Variants in SLC29A3 observed in about 807,000 individuals in gnomAD.
SLC29A3 encodes the protein equilibrative nucleoside transporter 3.
In SLC29A3, 18 loss-of-function variants were observed where a neutral mutation model predicts 25.4. The ratio of observed to expected loss-of-function variants is 0.71; its 90% CI spans 0.49 to 1.05. The LOEUF is 1.05. SLC29A3 is among the 50% of genes least tolerant of loss of function. The pLI is 0.00. For missense variants in SLC29A3, 586 were observed against 609.0 expected, an observed-to-expected ratio of 0.96 and a Z score of 0.40; for synonymous variants, 258 against 267.1, an observed-to-expected ratio of 0.97 and a Z score of 0.33.
chr10:71,362,355 T>A lies in SLC29A3; in HGVS notation c.1175T>A (p.Leu392His). ...FVLLRTCLIP[L>H]FVLCNYQPRV... is the part of the protein sequence containing the mutation. The stretch of plus-strand genomic sequence containing the variant: ...CTCCTCCGGACCTGCCTCATCCCCC[T>A]CTTCGTGCTCTGTAACTACCAGCCC... Residue 392 changes from leucine (L) to histidine (H), a missense_variant, in exon 6 of 6, where the codon CTC (leucine) becomes CAC (histidine). Leu to His is a moderately conservative substitution (Grantham distance 99). Coordinates refer to ENST00000373189, the MANE Select transcript of SLC29A3 (RefSeq NM_018344.6). 1 of 1,614,086 alleles carries A rather than the reference T, an allele frequency of 6.2e-7. No individual in the cohort carries two copies.
chr10:71,348,189 C>T (rs1846646485), intron 3 of SLC29A3, among the ~76,000 whole-genome samples: 1 of 152,258 alleles, frequency 6.6e-6, no homozygotes, highest in Non-Finnish European at 1.5e-5. Context: ...CTGCCAGGCC[C>T]TGTGCCTGTG....
chr10:71,328,540 C>T (rs1393150837), intron 2 of SLC29A3, among the ~76,000 whole-genome samples: 1 of 152,216 alleles, frequency 6.6e-6, no homozygotes, highest in African/African-American at 2.4e-5. Context: ...AGGAGGCCTC[C>T]CCCGCTGGTG....
intron 2 of SLC29A3, among the ~76,000 whole-genome samples, chr10:71,325,143 C>CAT (rs1397413387): frequency 6.6e-6 from 1 of 152,154 alleles, no homozygotes. Flanking sequence ...TTCCAGTGGC[C>CAT]CAGGAGGTGG....
intron 3 of SLC29A3, among the ~76,000 whole-genome samples, chr10:71,347,791 A>G (rs1336271587): frequency 6.6e-6 from 1 of 152,154 alleles, no homozygotes; most frequent in African/African-American, 2.4e-5. Context: ...TGCATTTGGT[A>G]TTGACCTCCT....
intron 5 of SLC29A3, 135 bp downstream of exon 5, chr10:71,356,378 T>C: frequency 8.8e-7 from 1 of 1,130,230 alleles, no homozygotes; most frequent in Non-Finnish European, 1.2e-6. Context: ...ACAAATAGGC[T>C]TGGCTGGTGG....
intron 2 of SLC29A3, among the ~76,000 whole-genome samples, chr10:71,335,188 T>C (rs1284624105): frequency 1.3e-5 from 2 of 152,156 alleles, no homozygotes; most frequent in Admixed American, 6.5e-5. Context: ...TGATTCCTTC[T>C]ACACCCAGCA....
chr10:71,334,946 C>CT (rs1221351168), intron 2 of SLC29A3, among the ~76,000 whole-genome samples: 6 of 128,898 alleles, frequency 4.7e-5, no homozygotes, highest in African/African-American at 9.8e-5. Context: ...GCTGTTGACT[C>CT]TTTTTTTTTC....
intron 5 of SLC29A3, among the ~76,000 whole-genome samples, chr10:71,360,034 G>A (rs1444679509): frequency 6.6e-6 from 1 of 151,264 alleles, no homozygotes; most frequent in Non-Finnish European, 1.5e-5. Flanking sequence ...CTGCTTCTCA[G>A]TTCTTTCAAC....
intron 3 of SLC29A3, among the ~76,000 whole-genome samples, chr10:71,350,530 A>G (rs1034074676): frequency 1.2e-4 from 18 of 152,146 alleles, no homozygotes; most frequent in African/African-American, 3.9e-4. Flanking sequence ...TGCTTCCTAG[A>G]ATAAAAATGT....
chr10:71,367,108 G>A (rs890246780), downstream of SLC29A3, among the ~76,000 whole-genome samples: 123 of 152,294 alleles, frequency 8.1e-4, no homozygotes, highest in Non-Finnish European at 1.0e-3. Flanking sequence ...TGTTGTAGGG[G>A]AATGGCTTTC....
At chr10:71,340,117 C>T (rs1236265196) in intron 2 of SLC29A3, among the ~76,000 whole-genome samples, 1 of 152,230 alleles carries the variant, frequency 6.6e-6, no homozygotes, top group Non-Finnish European at 1.5e-5. Flanking sequence ...CTGCCCAGGG[C>T]CCTCCTGCTG....
chr10:71,323,022 A>G lies in SLC29A3; in HGVS notation c.268A>G (p.Thr90Ala), dbSNP rs921179588. The G allele has an allele frequency of 6.2e-7, 1 of 1,613,602 alleles. No individual in the cohort carries two copies. The highest frequency in any genetic ancestry group is 8.5e-7 in the Non-Finnish European group (1 of 1,180,048). Reference sequence around the variant, plus strand: ...ACTCCGCAACTCCTCCAGCCCAGCCACCGGGGAGGACCCTGAGGGCTCAGA... The same window carrying G: ...ACTCCGCAACTCCTCCAGCCCAGCCGCCGGGGAGGACCCTGAGGGCTCAGA... Reference protein sequence around the residue: ...FKLRNSSSPATGEDPEGSDIL... With the variant: ...FKLRNSSSPAAGEDPEGSDIL... Residue 90 changes from threonine to alanine, a missense_variant, in exon 2 of 6, where the codon ACC (threonine) becomes GCC (alanine). Transcript: ENST00000373189.
rs1845990485 is a variant in SLC29A3 at position 71,327,138 on chromosome 10, T to C, written c.300+4084T>C. On this transcript the variant is annotated intron_variant, in intron 2 of 5. Transcript: ENST00000373189. ...TAGATGTTTATTCTTTCCTGTACTTTCCTTTGAACATTTTCTGGGGATGGA... is the reference window on the plus strand; with the variant it reads ...TAGATGTTTATTCTTTCCTGTACTTCCCTTTGAACATTTTCTGGGGATGGA... 1.3e-5 allele frequency among the ~76,000 whole-genome samples: 2 copies of C among 152,150 alleles called. 1 individual carries two copies. The highest frequency in any genetic ancestry group is 2.9e-5 in the Non-Finnish European group (2 of 68,014).
chr10:71,325,724 G>A (rs1845949365), intron 2 of SLC29A3, among the ~76,000 whole-genome samples: 1 of 152,088 alleles, frequency 6.6e-6, no homozygotes. Context: ...GTGTGTCCTT[G>A]GACCAGCAGC....
In SLC29A3 at chr10:71,342,055, C is replaced by T. The variant is rs1024237915; in HGVS notation, c.301-2154C>T. On this transcript the variant is annotated intron_variant, in intron 2 of 5. Coordinates refer to ENST00000373189, the MANE Select transcript of SLC29A3 (RefSeq NM_018344.6). Reference sequence around the variant, plus strand: ...ACACCTCATGTTTGCTCTACTCTCTCGGTTGGAAGCAGCCACAGGTCTCAT... The same window carrying T: ...ACACCTCATGTTTGCTCTACTCTCTTGGTTGGAAGCAGCCACAGGTCTCAT... Among the ~76,000 whole-genome samples, 4 of 152,258 alleles carry T rather than the reference C, an allele frequency of 2.6e-5. No individual in the cohort carries two copies. In the East Asian group the frequency reaches 7.7e-4, roughly 29 times the overall value.
intron 5 of SLC29A3, among the ~76,000 whole-genome samples, chr10:71,357,646 A>G (rs1383923923): frequency 6.6e-6 from 1 of 152,154 alleles, no homozygotes; most frequent in African/African-American, 2.4e-5. Context: ...TGCTTGGACA[A>G]CTTGCTGCCT....
rs572951634 is a variant in SLC29A3, at chr10:71,337,891, G to T, written c.301-6318G>T. Among the ~76,000 whole-genome samples, 20 of 152,356 alleles carry T rather than the reference G, an allele frequency of 1.3e-4. No individual in the cohort carries two copies. The East Asian group carries it at 3.5e-3, about 26-fold the overall frequency. On this transcript the variant is annotated intron_variant, in intron 2 of 5. Transcript: ENST00000373189. ...CCTCACATCTGGCCAGCTGGCTCTG[G>T]TGGGCTTTTAAATTGTGTTTGAAGA...
intron 2 of SLC29A3, among the ~76,000 whole-genome samples, chr10:71,341,680 C>T (rs1688117997): frequency 6.6e-6 from 1 of 152,218 alleles, no homozygotes; most frequent in Non-Finnish European, 1.5e-5. Context: ...CTTAAAACAA[C>T]CTGGATTTAT....
At chr10:71,348,501 G>T (rs563466564) in intron 3 of SLC29A3, among the ~76,000 whole-genome samples, 1 of 152,352 alleles carries the variant, frequency 6.6e-6, no homozygotes, top group African/African-American at 2.4e-5. Flanking sequence ...CCTGACTCAG[G>T]CTCCATGCCC....
Sources: gnomAD v4.1 joint callset for allele counts (sites outside exome capture counted in the v4.1 genomes callset) on GRCh38, gnomAD v4.1.1 for gene constraint, MANE v1.5 for transcripts, NCBI Gene and HGNC (gene_info 2026-07-23, HGNC 2026-07-21) for gene names.